The following SDK2 variants were observed in gnomAD, a reference collection of about 807,000 sequenced individuals.
SDK2 encodes the protein protein sidekick-2.
In SDK2, 105 loss-of-function variants were observed where a neutral mutation model predicts 253.9. That is an observed-to-expected ratio of 0.41 (90% confidence interval 0.35 to 0.49). SDK2 has a LOEUF of 0.49. Among genes scored for constraint, SDK2 ranks in the 20% least tolerant of loss-of-function variants. The pLI, the probability that SDK2 is intolerant of heterozygous loss-of-function variation, is 0.06. For missense variants in SDK2, 2,608 were observed against 3,003.0 expected, an observed-to-expected ratio of 0.87 and a Z score of 3.07; for synonymous variants, 1,249 against 1,234.9, an observed-to-expected ratio of 1.01 and a Z score of -0.24.
chr17:73,397,208 T>C (rs1251963790), intron 24 of SDK2, among the ~76,000 whole-genome samples: 2 of 152,158 alleles, frequency 1.3e-5, no homozygotes, highest in Non-Finnish European at 2.9e-5. Flanking sequence ...CCCACATTTA[T>C]TTGTCTAAGA....
Position 73,380,931 on chromosome 17 carries a change from G to T in SDK2, c.4725C>A (p.Asn1575Lys). The T allele has an allele frequency of 7.0e-7, 1 of 1,431,128 alleles. No homozygotes were observed. The highest frequency in any genetic ancestry group is 9.4e-7 in the Non-Finnish European group (1 of 1,063,814). 88.7% of individuals were successfully genotyped at this position (1,431,128 alleles called of 1,614,324 possible). Residue 1575 changes from asparagine (N) to lysine (K), a missense_variant, in exon 34 of 45, where the codon AAC becomes AAA. Asn to Lys is a moderately conservative substitution (Grantham distance 94). Transcript: ENST00000392650. The part of the protein sequence containing the change: ...AELTSMYSMR[N>K]LSRPSLTQYE... ...ACTGCGTGAGGCTGGGCCGGCTCAG[G>T]TTCCGCATGGAGTACATGGCTATGG...
At chr17:73,506,304 G>A (rs376899108) in intron 2 of SDK2, among the ~76,000 whole-genome samples, 39 of 152,254 alleles carry the variant, frequency 2.6e-4, no homozygotes, top group Middle Eastern at 6.8e-3. Flanking sequence ...CTGGAGAACC[G>A]GAGGCCCAGA....
At chr17:73,385,423 A>G (rs922019889) in intron 32 of SDK2, among the ~76,000 whole-genome samples, 1 of 152,138 alleles carries the variant, frequency 6.6e-6, no homozygotes, top group Admixed American at 6.5e-5. Context: ...CCCTTCACCG[A>G]CCAGTGGGGC....
intron 2 of SDK2, among the ~76,000 whole-genome samples, chr17:73,483,788 C>A (rs2145718118): frequency 6.8e-6 from 1 of 146,520 alleles, no homozygotes; most frequent in Non-Finnish European, 1.5e-5. Context: ...AGTGATCCAC[C>A]TGCCTCGGTC....
chr17:73,423,611 C>G (rs6501634), intron 13 of SDK2, 89 bp from the exon 14 acceptor site: 1,044,411 of 1,360,414 alleles, frequency 0.77, 407,372 homozygotes, highest in Admixed American at 0.82. Flanking sequence ...TAGGCCTTGA[C>G]CTTCCATGAT....
chr17:73,378,473 G>A (rs997159712), intron 36 of SDK2, among the ~76,000 whole-genome samples: 2 of 151,432 alleles, frequency 1.3e-5, no homozygotes, highest in Non-Finnish European at 2.9e-5. Flanking sequence ...AGGCTGGAGT[G>A]CAGTGGTACA....
chr17:73,358,631 C>G lies in SDK2; in HGVS notation c.5468-427G>C, dbSNP rs115745459. Among the ~76,000 whole-genome samples the G allele has an allele frequency of 3.3e-5, 5 of 151,884 alleles. No individual in the cohort carries two copies. The South Asian group carries it at 1.0e-3, about 32-fold the overall frequency. ...GGATGGTGGGGAATAGAGGTGGGTGCGATGATGGCAGAGTGGGCCCATGAG... is the reference window on the plus strand; with the variant it reads ...GGATGGTGGGGAATAGAGGTGGGTGGGATGATGGCAGAGTGGGCCCATGAG... On this transcript the variant is annotated intron_variant, in intron 39 of 44. Coordinates refer to ENST00000392650, the MANE Select transcript of SDK2 (RefSeq NM_001144952.2).
At chr17:73,638,088 G>T (rs1337322904) in intron 1 of SDK2, among the ~76,000 whole-genome samples, 1 of 152,246 alleles carries the variant, frequency 6.6e-6, no homozygotes, top group Non-Finnish European at 1.5e-5. Context: ...ATGGCATGGG[G>T]TGTGCTGGAT....
intron 1 of SDK2, among the ~76,000 whole-genome samples, chr17:73,607,551 A>G (rs1024312554): frequency 2.0e-5 from 3 of 152,188 alleles, no homozygotes; most frequent in Admixed American, 6.5e-5. Context: ...AGCAGGTGTC[A>G]GGAGTAGGCT....
At chr17:73,505,747 A>ATCAATAGCTGGACCTCATCATCG (rs2063930410) in intron 2 of SDK2, among the ~76,000 whole-genome samples, 2 of 147,422 alleles carry the variant, frequency 1.4e-5, no homozygotes, top group Non-Finnish European at 3.0e-5. Flanking sequence ...CCTCATCAGC[A>ATCAATAGCTGGACCTCATCATCG]TCAATAGCTG....
chr17:73,596,727 A>C (rs867185976), intron 1 of SDK2, among the ~76,000 whole-genome samples: 1 of 150,994 alleles, frequency 6.6e-6, no homozygotes, highest in African/African-American at 2.4e-5. Flanking sequence ...AGCCTCCCCG[A>C]CCCTCCCAGC....
chr17:73,570,297 G>A lies in SDK2; in HGVS notation c.65-62700C>T, dbSNP rs992351668. Among the ~76,000 whole-genome samples, 2 of 152,052 alleles carry A rather than the reference G, an allele frequency of 1.3e-5. No individual in the cohort carries two copies. The highest frequency in any genetic ancestry group is 2.9e-5 in the Non-Finnish European group (2 of 68,000). On this transcript the variant is annotated intron_variant, in intron 1 of 44. Coordinates refer to ENST00000392650, the MANE Select transcript of SDK2 (RefSeq NM_001144952.2). The surrounding 1 kb of genome is among the most constrained non-coding windows in gnomAD (Gnocchi z 4.2). Reference sequence around the variant, plus strand: ...AGGAGTGGTAGACCCCGTCTACACCGGGTCCAGAAACCACACAACCCATAG... The same window carrying A: ...AGGAGTGGTAGACCCCGTCTACACCAGGTCCAGAAACCACACAACCCATAG...
chr17:73,451,131 C>T (rs1166728356), intron 4 of SDK2, among the ~76,000 whole-genome samples: 1 of 152,250 alleles, frequency 6.6e-6, no homozygotes, highest in East Asian at 1.9e-4. Context: ...CTCATGTCTG[C>T]CCCCTTTCTC....
Position 73,447,004 on chromosome 17 carries a change from T to C in SDK2, c.613+611A>G, listed in dbSNP as rs1024564579. ...TCTTTGCCAAAGCACACCAAGGGAA[T>C]CACGCTTTTGTGTGTGTCTCACTGT... On this transcript the variant is annotated intron_variant, in intron 5 of 44. Coordinates refer to ENST00000392650, the MANE Select transcript of SDK2 (RefSeq NM_001144952.2). The surrounding 1 kb of genome is among the most constrained non-coding windows in gnomAD (Gnocchi z 4.0). 6.6e-6 allele frequency among the ~76,000 whole-genome samples: 1 copy of C among 152,182 alleles called. No homozygotes were observed. Among genetic ancestry groups the C allele is most frequent in the African/African-American group, 2.4e-5 (1 of 41,434 alleles).
intron 16 of SDK2, among the ~76,000 whole-genome samples, chr17:73,418,093 T>C (rs2063199288): frequency 6.9e-6 from 1 of 145,762 alleles, no homozygotes; most frequent in African/African-American, 2.5e-5. Flanking sequence ...CTGCAACCTC[T>C]GCCTCCTGGG....
intron 37 of SDK2, 136 bp from the exon 38 acceptor site, chr17:73,365,531 C>G (rs545707719): frequency 1.2e-6 from 1 of 841,406 alleles, no homozygotes; most frequent in East Asian, 3.2e-5. Context: ...GCAGAAAGGG[C>G]GGGCAGGAGG....
intron 1 of SDK2, among the ~76,000 whole-genome samples, chr17:73,623,770 TG>T (rs537877035): frequency 1.2e-3 from 183 of 152,254 alleles, no homozygotes; most frequent in African/African-American, 4.1e-3. Flanking sequence ...CAGGCTGGAC[TG>T]CTCTGCCCGT....
intron 40 of SDK2, among the ~76,000 whole-genome samples, chr17:73,354,533 G>C (rs1192466449): frequency 6.6e-6 from 1 of 152,132 alleles, no homozygotes; most frequent in Non-Finnish European, 1.5e-5. Context: ...TCTTCCTGCT[G>C]GTGGCAGTGC....
At chr17:73,480,254 A>T (rs1647741906) in intron 2 of SDK2, among the ~76,000 whole-genome samples, 1 of 152,208 alleles carries the variant, frequency 6.6e-6, no homozygotes, top group African/African-American at 2.4e-5. Context: ...ACCTAACGGG[A>T]TATGTATCCG....
Sources: gnomAD v4.1 joint callset for allele counts (sites outside exome capture counted in the v4.1 genomes callset) on GRCh38, gnomAD v4.1.1 for gene constraint, Gnocchi (gnomAD v3.1) non-coding constraint, MANE v1.5 for transcripts, NCBI Gene and HGNC (gene_info 2026-07-23, HGNC 2026-07-21) for gene names.